WWC1: variants seen among roughly 807,000 people sequenced by gnomAD.
WWC1 encodes the protein protein KIBRA.
WWC1 carries 55 observed loss-of-function variants against 138.4 expected under a neutral mutation model. The ratio of observed to expected loss-of-function variants is 0.40; its 90% CI spans 0.32 to 0.50. The LOEUF is 0.50. Among genes scored for constraint, WWC1 ranks in the 20% least tolerant of loss-of-function variants. The pLI, the probability that WWC1 is intolerant of heterozygous loss-of-function variation, is 0.72. For synonymous variants in WWC1, 524 were observed against 564.9 expected (o/e 0.93, Z 1.03); for missense variants, 1,226 against 1,420.4 (o/e 0.86, Z 2.20).
intron 17 of WWC1, among the ~76,000 whole-genome samples, chr5:168,448,020 C>T (rs868411348): frequency 3.9e-5 from 6 of 152,208 alleles, no homozygotes; most frequent in African/African-American, 1.2e-4. Flanking sequence ...CAAGCTTGTG[C>T]TGAGACTTTT....
intron 20 of WWC1, among the ~76,000 whole-genome samples, chr5:168,461,229 G>C (rs1582386353): frequency 6.6e-6 from 1 of 152,112 alleles, no homozygotes; most frequent in African/African-American, 2.4e-5. Flanking sequence ...GTACTTGGGA[G>C]GCTGAGGCAG....
At chr5:168,422,264 A>G (rs1781149481) in intron 10 of WWC1, among the ~76,000 whole-genome samples, 167 bp downstream of exon 10, 3 of 152,222 alleles carry the variant, frequency 2.0e-5, no homozygotes, top group Admixed American at 2.0e-4. Context: ...GGCCTGGTGT[A>G]GCTAGGAATA....
In WWC1 at chr5:168,434,193, T is replaced by A. The variant is rs963789335; in HGVS notation, c.2280+2749T>A. On this transcript the variant is annotated intron_variant, in intron 15 of 22. Coordinates refer to ENST00000265293, the MANE Select transcript of WWC1 (RefSeq NM_015238.3). The stretch of plus-strand genomic sequence containing the variant: ...GATGCCTTTTATTCCTCCTTCCTAA[T>A]TGAAGTCTGGTCATTGCTGGTTGCC... Among the ~76,000 whole-genome samples the A allele has an allele frequency of 3.3e-5, 5 of 152,358 alleles. 1 individual carries two copies. The highest frequency in any genetic ancestry group is 1.2e-4 in the African/African-American group (5 of 41,598).
At chr5:168,382,891 C>T (rs551569343) in intron 2 of WWC1, among the ~76,000 whole-genome samples, 3 of 151,968 alleles carry the variant, frequency 2.0e-5, no homozygotes, top group Non-Finnish European at 4.4e-5. Context: ...AAAATTGGTC[C>T]TAGGCTGGGC....
chr5:168,444,421 G>T, intron 16 of WWC1, 73 bp from the exon 17 acceptor site: 1 of 1,435,852 alleles, frequency 7.0e-7, no homozygotes. Flanking sequence ...ACAGCTCTGA[G>T]ATGCTCTGAT....
At chr5:168,338,426 G>C (rs1773694272) in intron 1 of WWC1, among the ~76,000 whole-genome samples, 4 of 150,128 alleles carry the variant, frequency 2.7e-5, no homozygotes, top group Admixed American at 1.3e-4. Context: ...TTTTTTTTGG[G>C]GGGGGATTGA....
rs1467670986 is a variant in WWC1, at chr5:168,367,432, C to T, written c.120-3992C>T. ...CTGCAAGCTCCGCCTCCCGGGTTCA[C>T]GCCATTCTCCTGCCTCAGCCTCCCG... is the stretch of plus-strand genomic sequence containing the variant. On this transcript the variant is annotated intron_variant, in intron 1 of 22. Coordinates refer to ENST00000265293, the MANE Select transcript of WWC1 (RefSeq NM_015238.3). 6.6e-5 allele frequency among the ~76,000 whole-genome samples: 10 copies of T among 151,280 alleles called. No individual in the cohort carries two copies. The South Asian group carries it at 1.1e-3, about 16-fold the overall frequency.
chr5:168,373,977 C>T (rs147677164), intron 2 of WWC1, among the ~76,000 whole-genome samples: 13,080 of 143,744 alleles, frequency 0.091, 807 homozygotes, highest in African/African-American at 0.18. Flanking sequence ...ACCCTGGAAG[C>T]GGAGCTTGCA....
At chr5:168,451,403 CA>C (rs1348141369) in intron 17 of WWC1, among the ~76,000 whole-genome samples, 1 of 152,084 alleles carries the variant, frequency 6.6e-6, no homozygotes, top group Non-Finnish European at 1.5e-5. Flanking sequence ...AAGAGTTTCT[CA>C]ACAAGAAAAT....
At chr5:168,456,557 G>C (rs940071184) in intron 19 of WWC1, among the ~76,000 whole-genome samples, 6 of 152,108 alleles carry the variant, frequency 3.9e-5, no homozygotes, top group Non-Finnish European at 5.9e-5. Context: ...TTGAACCCGG[G>C]GGGCAGAGGT....
intron 1 of WWC1, among the ~76,000 whole-genome samples, chr5:168,368,213 CCCAAG>C (rs1776477483): frequency 6.6e-6 from 1 of 151,932 alleles, no homozygotes. Flanking sequence ...GCCTCTGCCT[CCCAAG>C]TAGCTGGGAT....
At chr5:168,412,850 G>A (rs1780334489) in intron 8 of WWC1, among the ~76,000 whole-genome samples, 1 of 152,154 alleles carries the variant, frequency 6.6e-6, no homozygotes, top group South Asian at 2.1e-4. Flanking sequence ...AGTATGCATA[G>A]GTTATATGTA....
intron 1 of WWC1, among the ~76,000 whole-genome samples, chr5:168,359,765 G>A (rs1775745033): frequency 6.6e-6 from 1 of 152,112 alleles, no homozygotes; most frequent in Admixed American, 6.6e-5. Flanking sequence ...TAAAACTCTG[G>A]TATTCCTACA....
chr5:168,317,147 A>G (rs1432325476), intron 1 of WWC1, among the ~76,000 whole-genome samples: 1 of 152,060 alleles, frequency 6.6e-6, no homozygotes, highest in Non-Finnish European at 1.5e-5. Context: ...GAACTTACCG[A>G]GGTCACACAG....
intron 11 of WWC1, among the ~76,000 whole-genome samples, chr5:168,427,089 C>T (rs1010106084): frequency 2.0e-5 from 3 of 152,138 alleles, no homozygotes; most frequent in Admixed American, 6.5e-5. Flanking sequence ...AGTGGAAGAA[C>T]GGGTGCTTAA....
At chr5:168,438,803 A>G (rs1014266953) in intron 15 of WWC1, among the ~76,000 whole-genome samples, 1 of 152,144 alleles carries the variant, frequency 6.6e-6, no homozygotes, top group African/African-American at 2.4e-5. Flanking sequence ...GGGAAAAAAA[A>G]AACAGTAAAA....
At position 168,407,581 on chromosome 5, in the gene WWC1, G is replaced by A. The variant is rs116269337; in HGVS notation, c.721-926G>A. 4.4e-3 allele frequency among the ~76,000 whole-genome samples: 665 copies of A among 152,336 alleles called. 6 individuals carry two copies. The highest frequency in any genetic ancestry group is 0.015 in the African/African-American group (638 of 41,570). On this transcript the variant is annotated intron_variant, in intron 6 of 22. Transcript: ENST00000265293. ...CCCAGTGAAAACATTTAGATGAAGAGCTCATGGACAGTGAGGCATGTTCCT... is the reference window on the plus strand; with the variant it reads ...CCCAGTGAAAACATTTAGATGAAGAACTCATGGACAGTGAGGCATGTTCCT...
chr5:168,461,122 G>C (rs1194354327), intron 20 of WWC1, among the ~76,000 whole-genome samples: 1 of 151,920 alleles, frequency 6.6e-6, no homozygotes, highest in Non-Finnish European at 1.5e-5. Flanking sequence ...TGAGGTCTGG[G>C]GTTTGAGACC....
chr5:168,319,817 T>C (rs1771909541), intron 1 of WWC1, among the ~76,000 whole-genome samples: 1 of 152,222 alleles, frequency 6.6e-6, no homozygotes, highest in Admixed American at 6.5e-5. Flanking sequence ...ATTCTATTTC[T>C]AATTTTTCGA....
Sources: allele counts gnomAD v4.1 joint callset (sites outside exome capture counted in the v4.1 genomes callset), GRCh38; gene constraint gnomAD v4.1.1; transcripts MANE v1.5; gene names NCBI Gene and HGNC (gene_info 2026-07-23, HGNC 2026-07-21).